Variants in HOMER1 observed in about 807,000 individuals in gnomAD.
The protein encoded by HOMER1 is homer protein homolog 1.
A neutral mutation model predicts 48.9 loss-of-function variants in HOMER1; 3 were observed. That is an observed-to-expected ratio of 0.06 (90% confidence interval 0.03 to 0.16). HOMER1 has a LOEUF of 0.16. Among genes scored for constraint, HOMER1 ranks in the 10% least tolerant of loss-of-function variants. The probability of loss-of-function intolerance (pLI) is 1.00; values close to 1 mark genes in which losing one functional copy is unlikely to be tolerated. For missense variants in HOMER1, 247 were observed against 411.4 expected, an observed-to-expected ratio of 0.60 and a Z score of 3.46; for synonymous variants, 134 against 146.4, an observed-to-expected ratio of 0.92 and a Z score of 0.61.
At chr5:79,460,182 C>T (rs1018873747) in intron 1 of HOMER1, among the ~76,000 whole-genome samples, 6 of 152,088 alleles carry the variant, frequency 3.9e-5, no homozygotes, top group African/African-American at 1.2e-4. Flanking sequence ...AAAGATAAAT[C>T]TGGGCCACGT....
chr5:79,414,217 G>C (rs1749880759), intron 5 of HOMER1, among the ~76,000 whole-genome samples: 1 of 151,394 alleles, frequency 6.6e-6, no homozygotes, highest in South Asian at 2.1e-4. Flanking sequence ...TGAGTAGCTG[G>C]GACTACAGGC....
At chr5:79,496,207 C>T (rs1161150174) in intron 1 of HOMER1, among the ~76,000 whole-genome samples, 4 of 152,140 alleles carry the variant, frequency 2.6e-5, no homozygotes, top group African/African-American at 9.7e-5. Flanking sequence ...AAGTATGCGA[C>T]TGAAATGGAG....
chr5:79,484,023 G>A (rs1752024320), intron 1 of HOMER1, among the ~76,000 whole-genome samples: 3 of 126,968 alleles, frequency 2.4e-5, no homozygotes, highest in Non-Finnish European at 3.1e-5. Flanking sequence ...TCCAGCCTGG[G>A]CAACAGAGCA....
intron 5 of HOMER1, among the ~76,000 whole-genome samples, chr5:79,429,866 T>G (rs900341118): frequency 1.3e-5 from 2 of 151,468 alleles, no homozygotes; most frequent in Non-Finnish European, 2.9e-5. Flanking sequence ...TACTAAAAAT[T>G]TAAAAAATTA....
chr5:79,398,640 T>C (rs1021229755), intron 6 of HOMER1, among the ~76,000 whole-genome samples: 1 of 152,160 alleles, frequency 6.6e-6, no homozygotes, highest in Non-Finnish European at 1.5e-5. Flanking sequence ...CTAAGATTCA[T>C]CTTTCATTCC....
At chr5:79,508,560 A>C (rs140983309) in intron 1 of HOMER1, among the ~76,000 whole-genome samples, 2 of 152,294 alleles carry the variant, frequency 1.3e-5, no homozygotes, top group East Asian at 3.9e-4. Flanking sequence ...TCAAGCAAAC[A>C]AGCTTGTCAT....
At chr5:79,484,947 G>A (rs974965933) in intron 1 of HOMER1, among the ~76,000 whole-genome samples, 3 of 151,456 alleles carry the variant, frequency 2.0e-5, no homozygotes, top group Non-Finnish European at 4.4e-5. Flanking sequence ...AGTATTTCCT[G>A]AGGCCAACAA....
Position 79,451,186 on chromosome 5 carries a change from CCATT to C in HOMER1, c.163-69_163-66del, listed in dbSNP as rs1751016956. On this transcript the variant is annotated intron_variant, in intron 2 of 8. Coordinates refer to ENST00000334082, the MANE Select transcript of HOMER1 (RefSeq NM_004272.5). ...AGCAAACAGGCATTTAAATACAAGA[CCATT>C]CAGTTACATAAAAGCTTAAGATTAT... The C allele has an allele frequency of 1.5e-5, 23 of 1,531,750 alleles. No individual in the cohort carries two copies. The South Asian group carries it at 2.6e-4, about 17-fold the overall frequency. 94.9% of individuals were successfully genotyped at this position (1,531,750 alleles called of 1,614,324 possible). A position where few individuals can be genotyped will look rare whatever the true frequency, so the allele number is the denominator to read the frequency against.
chr5:79,406,274 C>T (rs895129526), intron 5 of HOMER1, among the ~76,000 whole-genome samples: 1 of 152,134 alleles, frequency 6.6e-6, no homozygotes, highest in African/African-American at 2.4e-5. Context: ...AGATACAACT[C>T]TGGTAAAATC....
At chr5:79,396,722 C>CA (rs1749395517) in intron 8 of HOMER1, 101 bp downstream of exon 8, 2 of 581,394 alleles carry the variant, frequency 3.4e-6, no homozygotes, top group Non-Finnish European at 5.9e-6. Flanking sequence ...GAAAAATGAC[C>CA]AAAAACCTAC....
chr5:79,437,720 G>A (rs1750631030), intron 5 of HOMER1, among the ~76,000 whole-genome samples: 1 of 152,082 alleles, frequency 6.6e-6, no homozygotes, highest in Non-Finnish European at 1.5e-5. Context: ...TGGCACAATC[G>A]TAGCTCACTG....
At chr5:79,404,158 C>G (rs930030771) in intron 5 of HOMER1, among the ~76,000 whole-genome samples, 3 of 152,184 alleles carry the variant, frequency 2.0e-5, no homozygotes, top group Non-Finnish European at 4.4e-5. Context: ...ACACTTGTTA[C>G]ATGTCAATAG....
intron 8 of HOMER1, among the ~76,000 whole-genome samples, chr5:79,390,272 T>C (rs1463695428): frequency 6.6e-6 from 1 of 151,604 alleles, no homozygotes; most frequent in African/African-American, 2.4e-5. Context: ...GGTGACAGAG[T>C]GAGACTCTGT....
intron 8 of HOMER1, among the ~76,000 whole-genome samples, chr5:79,392,035 C>A (rs1749267084): frequency 6.6e-6 from 1 of 151,974 alleles, no homozygotes; most frequent in Non-Finnish European, 1.5e-5. Flanking sequence ...TGTGGTGATG[C>A]CGATATAAAT....
intron 8 of HOMER1, among the ~76,000 whole-genome samples, chr5:79,395,265 A>C (rs1208608475): frequency 6.6e-6 from 1 of 152,170 alleles, no homozygotes; most frequent in Non-Finnish European, 1.5e-5. Flanking sequence ...AACTTGACTG[A>C]ATTTCCCCCT....
intron 5 of HOMER1, among the ~76,000 whole-genome samples, chr5:79,422,827 CTTTT>C (rs556704839): frequency 8.2e-6 from 1 of 121,530 alleles, no homozygotes; most frequent in African/African-American, 2.9e-5. Context: ...AAGATGATCT[CTTTT>C]TTTTTTTTTT....
intron 1 of HOMER1, among the ~76,000 whole-genome samples, chr5:79,503,956 T>G (rs1172929738): frequency 6.6e-6 from 1 of 152,212 alleles, no homozygotes; most frequent in Non-Finnish European, 1.5e-5. Flanking sequence ...CAAGGGCATC[T>G]GTACTAAAAT....
At chr5:79,475,932 T>C (rs1303781398) in intron 1 of HOMER1, among the ~76,000 whole-genome samples, 1 of 152,208 alleles carries the variant, frequency 6.6e-6, no homozygotes, top group Non-Finnish European at 1.5e-5. Context: ...ATTATGTTGC[T>C]TGTACTATCC....
At chr5:79,431,105 C>T (rs1263963256) in intron 5 of HOMER1, among the ~76,000 whole-genome samples, 3 of 151,944 alleles carry the variant, frequency 2.0e-5, no homozygotes, top group Non-Finnish European at 4.4e-5. Context: ...CCAAGGTGGG[C>T]GGATCACTTG....
Sources: allele counts gnomAD v4.1 joint callset (sites outside exome capture counted in the v4.1 genomes callset), GRCh38; gene constraint gnomAD v4.1.1; transcripts MANE v1.5; gene names NCBI Gene and HGNC (gene_info 2026-07-23, HGNC 2026-07-21).